MACC1: variants seen among roughly 807,000 people sequenced by gnomAD.
The protein encoded by MACC1 is MET transcriptional regulator MACC1, also known as metastasis-associated in colon cancer protein 1.
A neutral mutation model predicts 70.7 loss-of-function variants in MACC1; 79 were observed. The observed-to-expected ratio is 1.12, with a 90% CI of 0.93 to 1.35. The LOEUF is 1.35. Ranked by LOEUF, MACC1 falls within the 40% of genes most tolerant of loss-of-function variation. The probability of loss-of-function intolerance (pLI) is 0.00; values close to 1 mark genes in which losing one functional copy is unlikely to be tolerated. For synonymous variants in MACC1, 361 were observed against 347.2 expected (o/e 1.04, Z -0.44); for missense variants, 1,106 against 978.1 (o/e 1.13, Z -1.74).
At chr7:20,146,779 G>A (rs1041863294) in intron 6 of MACC1, among the ~76,000 whole-genome samples, 1 of 152,180 alleles carries the variant, frequency 6.6e-6, no homozygotes, top group African/African-American at 2.4e-5. Flanking sequence ...TTGTTTTTTA[G>A]TTGTTAAATT....
At chr7:20,209,546 G>A (rs1782966297) in intron 1 of MACC1, among the ~76,000 whole-genome samples, 1 of 152,248 alleles carries the variant, frequency 6.6e-6, no homozygotes, top group African/African-American at 2.4e-5. Flanking sequence ...ACCAGTGCCT[G>A]TACTTCCATT....
At chr7:20,163,746 C>T (rs146830403) in intron 3 of MACC1, among the ~76,000 whole-genome samples, 12 of 152,200 alleles carry the variant, frequency 7.9e-5, no homozygotes, top group African/African-American at 1.4e-4. Flanking sequence ...AGCAATAGAA[C>T]GTAACTAAAC....
intron 1 of MACC1, among the ~76,000 whole-genome samples, chr7:20,196,095 G>T (rs893297139): frequency 5.3e-5 from 8 of 152,020 alleles, no homozygotes; most frequent in African/African-American, 9.7e-5. Context: ...CCAAATGAGG[G>T]TTTGTTCAAT....
intron 6 of MACC1, chr7:20,153,214 C>T (rs1364202159): frequency 6.6e-6 from 1 of 152,192 alleles, no homozygotes; most frequent in East Asian, 1.9e-4. Flanking sequence ...ACTTCCACTG[C>T]AGCTGCTGGA....
intron 1 of MACC1, among the ~76,000 whole-genome samples, chr7:20,204,244 TC>T (rs1782875282): frequency 6.6e-6 from 1 of 152,130 alleles, no homozygotes; most frequent in Non-Finnish European, 1.5e-5. Flanking sequence ...AAACTCCGCC[TC>T]CCGGGTTCAC....
At chr7:20,173,920 C>T (rs959982058) in intron 1 of MACC1, among the ~76,000 whole-genome samples, 3 of 152,110 alleles carry the variant, frequency 2.0e-5, no homozygotes, top group South Asian at 2.1e-4. Flanking sequence ...ATGTTCATAA[C>T]GTGGACAACT....
chr7:20,182,685 G>A (rs1461188302), intron 1 of MACC1, among the ~76,000 whole-genome samples: 1 of 152,072 alleles, frequency 6.6e-6, no homozygotes, highest in African/African-American at 2.4e-5. Flanking sequence ...GCTTCTGTTT[G>A]TAAGTTTCCC....
chr7:20,188,566 T>C (rs1169656697), intron 1 of MACC1, among the ~76,000 whole-genome samples: 1 of 152,162 alleles, frequency 6.6e-6, no homozygotes, highest in African/African-American at 2.4e-5. Flanking sequence ...TTCTTCCTTC[T>C]CCAGTTCCCA....
chr7:20,213,966 T>C (rs1176279029), intron 1 of MACC1, among the ~76,000 whole-genome samples: 1 of 152,168 alleles, frequency 6.6e-6, no homozygotes, highest in African/African-American at 2.4e-5. Flanking sequence ...CTATAATTAT[T>C]ATTATTCAGT....
Position 20,209,249 on chromosome 7 carries a change from A to G in MACC1, c.-218+8050T>C, listed in dbSNP as rs148374270. 1.1e-4 allele frequency among the ~76,000 whole-genome samples: 16 copies of G among 152,314 alleles called. No homozygotes were observed. The East Asian group carries it at 2.9e-3, about 28-fold the overall frequency. On this transcript the variant is annotated intron_variant, in intron 1 of 6. Transcript: ENST00000400331. ...TGTCCTCCAGGACCAAGAATGGTAA[A>G]TCTACTGACATTTTGTACCATATGC...
chr7:20,164,909 G>A (rs1562588191), intron 2 of MACC1, among the ~76,000 whole-genome samples: 4 of 149,640 alleles, frequency 2.7e-5, no homozygotes, highest in East Asian at 2.0e-4. Context: ...TTTTTTATGA[G>A]GAAAGAGCAA....
At chr7:20,167,620 T>G (rs965696523) in intron 2 of MACC1, among the ~76,000 whole-genome samples, 5 of 151,290 alleles carry the variant, frequency 3.3e-5, no homozygotes, top group African/African-American at 1.2e-4. Flanking sequence ...AGCAAACACA[T>G]TTTTGAACTC....
At position 20,215,494 on chromosome 7, in the gene MACC1, A is replaced by G. The variant is rs181335350; in HGVS notation, c.-218+1805T>C. Among the ~76,000 whole-genome samples the G allele has an allele frequency of 1.7e-4, 26 of 152,252 alleles. No homozygotes were observed. In the East Asian group the frequency reaches 5.0e-3, roughly 29 times the overall value. ...TTCAGTGCCTCTGCAGCTTTCCTCCACCTTTGGAGAATTACAAGTTTCATT... is the reference window on the plus strand; with the variant it reads ...TTCAGTGCCTCTGCAGCTTTCCTCCGCCTTTGGAGAATTACAAGTTTCATT... On this transcript the variant is annotated intron_variant, in intron 1 of 6. Coordinates refer to ENST00000400331, the MANE Select transcript of MACC1 (RefSeq NM_182762.4).
chr7:20,170,072 TC>T (rs1782280719), intron 2 of MACC1, among the ~76,000 whole-genome samples: 1 of 152,188 alleles, frequency 6.6e-6, no homozygotes, highest in African/African-American at 2.4e-5. Flanking sequence ...GTGCCATGAT[TC>T]CTGCCAAAAG....
At chr7:20,145,518 G>C (rs1781876606) in intron 6 of MACC1, among the ~76,000 whole-genome samples, 1 of 152,010 alleles carries the variant, frequency 6.6e-6, no homozygotes, top group South Asian at 2.1e-4. Context: ...ACAAGCAGCA[G>C]TAGAAAATAG....
At chr7:20,143,703 T>A (rs1218501787) in intron 6 of MACC1, among the ~76,000 whole-genome samples, 2 of 152,168 alleles carry the variant, frequency 1.3e-5, no homozygotes, top group African/African-American at 2.4e-5. Context: ...ATTTGGCAAT[T>A]TGTACTAACA....
intron 6 of MACC1, among the ~76,000 whole-genome samples, chr7:20,145,007 A>G (rs567716443): frequency 4.6e-4 from 70 of 152,278 alleles, no homozygotes; most frequent in Non-Finnish European, 8.7e-4. Flanking sequence ...GGCTTGCTGG[A>G]GCCAGCTCAC....
chr7:20,146,915 C>T (rs1413229806), intron 6 of MACC1, among the ~76,000 whole-genome samples: 1 of 152,212 alleles, frequency 6.6e-6, no homozygotes, highest in East Asian at 1.9e-4. Context: ...CAGTTTCATT[C>T]TTGAATAGGA....
intron 2 of MACC1, among the ~76,000 whole-genome samples, chr7:20,167,509 T>C (rs1782238515): frequency 6.6e-6 from 1 of 151,744 alleles, no homozygotes; most frequent in Non-Finnish European, 1.5e-5. Flanking sequence ...ATTATCCTCA[T>C]TTTAAAGGTA....
Sources: allele counts gnomAD v4.1 joint callset (sites outside exome capture counted in the v4.1 genomes callset), GRCh38; gene constraint gnomAD v4.1.1; transcripts MANE v1.5; gene names NCBI Gene and HGNC (gene_info 2026-07-23, HGNC 2026-07-21).